Variants in ROR2 observed in about 807,000 individuals in gnomAD.
The protein encoded by ROR2 is tyrosine-protein kinase transmembrane receptor ROR2.
ROR2 carries 33 observed loss-of-function variants against 74.9 expected under a neutral mutation model. The ratio of observed to expected loss-of-function variants is 0.44; its 90% confidence interval spans 0.33 to 0.59. ROR2 has a LOEUF of 0.59. Ranked by LOEUF, ROR2 falls within the 20% of genes least tolerant of loss-of-function variation. The pLI is 0.02. For synonymous variants in ROR2, 586 were observed against 558.7 expected, an observed-to-expected ratio of 1.05 and a Z score of -0.69; for missense variants, 1,216 against 1,313.8, an observed-to-expected ratio of 0.93 and a Z score of 1.15.
chr9:91,737,072 C>A (rs1251209205), intron 5 of ROR2, among the ~76,000 whole-genome samples: 2 of 152,214 alleles, frequency 1.3e-5, no homozygotes, highest in Non-Finnish European at 2.9e-5. Context: ...GTGTGGCAGG[C>A]CCGGGGCAGG....
chr9:91,771,674 T>C (rs1246500584), intron 2 of ROR2, among the ~76,000 whole-genome samples: 1 of 152,112 alleles, frequency 6.6e-6, no homozygotes, highest in African/African-American at 2.4e-5. Context: ...ATAGGCTTTT[T>C]GCTCTGAGAA....
At chr9:91,833,550 G>A (rs899535106) in intron 1 of ROR2, among the ~76,000 whole-genome samples, 3 of 152,018 alleles carry the variant, frequency 2.0e-5, no homozygotes, top group African/African-American at 7.3e-5. Flanking sequence ...GTGCCCCCCA[G>A]GCCCCTGGAG....
intron 1 of ROR2, among the ~76,000 whole-genome samples, chr9:91,934,109 G>A (rs1219553895): frequency 2.2e-5 from 3 of 136,424 alleles, no homozygotes; most frequent in Non-Finnish European, 3.2e-5. Context: ...TTATGGATGC[G>A]GGGGGGCGAG....
intron 1 of ROR2, among the ~76,000 whole-genome samples, chr9:91,811,588 AC>A (rs1466797378): frequency 6.6e-6 from 1 of 152,146 alleles, no homozygotes; most frequent in African/African-American, 2.4e-5. Flanking sequence ...TCATAGGCAA[AC>A]CAACCACACG....
chr9:91,913,360 G>A (rs184211055), intron 1 of ROR2, among the ~76,000 whole-genome samples: 1 of 152,154 alleles, frequency 6.6e-6, no homozygotes, highest in African/African-American at 2.4e-5. Flanking sequence ...CACACTTTCA[G>A]TCTTTCCAAA....
intron 1 of ROR2, among the ~76,000 whole-genome samples, chr9:91,864,869 AC>A (rs1329933875): frequency 1.3e-5 from 2 of 152,170 alleles, no homozygotes; most frequent in Non-Finnish European, 2.9e-5. Context: ...GATGTTGCAC[AC>A]CCCTTTACAT....
At chr9:91,914,570 G>A (rs1831076644) in intron 1 of ROR2, among the ~76,000 whole-genome samples, 1 of 152,160 alleles carries the variant, frequency 6.6e-6, no homozygotes, top group African/African-American at 2.4e-5. Flanking sequence ...TGGGCACAGT[G>A]GCCGCTCCAG....
At position 91,879,072 on chromosome 9, in the gene ROR2, A is replaced by T. The variant is rs188398728; in HGVS notation, c.97+70795T>A. ...AAGAAAAAACAAAACAAAACAAACA[A>T]TAAAAAAAAAAAAGACAAATCCAAA... is the stretch of plus-strand genomic sequence containing the variant. On this transcript the variant is annotated intron_variant, in intron 1 of 8. Transcript: ENST00000375708. Among the ~76,000 whole-genome samples the T allele has an allele frequency of 9.2e-4, 139 of 151,754 alleles. 2 individuals carry two copies. In the East Asian group the frequency reaches 0.015, roughly 16 times the overall value.
intron 1 of ROR2, among the ~76,000 whole-genome samples, chr9:91,862,696 G>A (rs575089612): frequency 8.9e-4 from 136 of 152,230 alleles, no homozygotes; most frequent in African/African-American, 3.1e-3. Context: ...AGAGAAACCA[G>A]AGCTTGCTCA....
At chr9:91,918,999 G>A (rs775602394) in intron 1 of ROR2, among the ~76,000 whole-genome samples, 17 of 150,638 alleles carry the variant, frequency 1.1e-4, no homozygotes, top group South Asian at 2.1e-4. Context: ...TCTGCAGTCC[G>A]CACCCCTGTG....
intron 1 of ROR2, among the ~76,000 whole-genome samples, chr9:91,821,547 G>A (rs1828140696): frequency 6.6e-6 from 1 of 151,758 alleles, no homozygotes; most frequent in Non-Finnish European, 1.5e-5. Flanking sequence ...CTGCCCCACA[G>A]CTCCCCTCCA....
chr9:91,938,635 G>A (rs941642445), intron 1 of ROR2, among the ~76,000 whole-genome samples: 1 of 152,070 alleles, frequency 6.6e-6, no homozygotes, highest in African/African-American at 2.4e-5. Flanking sequence ...AAGGAAGAAG[G>A]GGATCTTATT....
At chr9:91,767,080 G>T (rs7855073) in intron 2 of ROR2, among the ~76,000 whole-genome samples, 14,369 of 140,096 alleles carry the variant, frequency 0.1, 991 homozygotes, top group East Asian at 0.26. Flanking sequence ...ATGACTTACG[G>T]TTTTTTTTTT....
chr9:91,804,293 C>A (rs1318650889), intron 1 of ROR2, among the ~76,000 whole-genome samples: 1 of 152,194 alleles, frequency 6.6e-6, no homozygotes, highest in Non-Finnish European at 1.5e-5. Context: ...TGTGTTCCAG[C>A]AACCCTCTGA....
chr9:91,772,506 C>T (rs1217247907), intron 2 of ROR2, among the ~76,000 whole-genome samples: 1 of 152,216 alleles, frequency 6.6e-6, no homozygotes, highest in Non-Finnish European at 1.5e-5. Context: ...CAAACCCAGG[C>T]TCAGAACTGT....
At position 91,724,144 on chromosome 9, in the gene ROR2, C is replaced by T. The variant is rs753545735; in HGVS notation, c.2350G>A (p.Ala784Thr). 1.6e-5 allele frequency: 25 copies of T among 1,611,260 alleles called. No homozygotes were observed. Among genetic ancestry groups the T allele is most frequent in the South Asian group, 8.8e-5 (8 of 91,078 alleles). The change falls in exon 9 of 9, where the codon GCC becomes ACC. Residue 784 changes from alanine (A) to threonine (T), a missense_variant. Physicochemically the swap from Ala to Thr is moderately conservative, Grantham distance 58. Transcript: ENST00000375708. ...TTCTGCTTGGGCCCCACGTAGCGGG[C>T]GTTGCTCACATTGCTCACTGGGCTG... ...STSPVSNVSN[A>T]RYVGPKQKAP...
At chr9:91,801,628 C>A (rs1327421993) in intron 1 of ROR2, among the ~76,000 whole-genome samples, 5 of 152,238 alleles carry the variant, frequency 3.3e-5, no homozygotes, top group Non-Finnish European at 7.3e-5. Context: ...CAGCTCCTGG[C>A]CTGCATGCTT....
intron 1 of ROR2, among the ~76,000 whole-genome samples, chr9:91,798,372 G>C (rs1396114028): frequency 8.2e-6 from 1 of 121,258 alleles, no homozygotes; most frequent in Non-Finnish European, 1.6e-5. Flanking sequence ...TGTGGGTGGG[G>C]AATGACACCC....
At chr9:91,849,711 C>T (rs1460676389) in intron 1 of ROR2, among the ~76,000 whole-genome samples, 1 of 152,222 alleles carries the variant, frequency 6.6e-6, no homozygotes, top group Admixed American at 6.5e-5. Context: ...TTGAGTCACA[C>T]TTGTAGATAA....
Sources: gnomAD v4.1 joint callset for allele counts (sites outside exome capture counted in the v4.1 genomes callset) on GRCh38, gnomAD v4.1.1 for gene constraint, MANE v1.5 for transcripts, NCBI Gene and HGNC (gene_info 2026-07-23, HGNC 2026-07-21) for gene names.